Variants in PCNX4 observed in about 807,000 individuals in gnomAD.
PCNX4 encodes pecanex-like protein 4.
In PCNX4, 103 loss-of-function variants were observed where a neutral mutation model predicts 107.2. The ratio of observed to expected loss-of-function variants is 0.96; its 90% CI spans 0.82 to 1.13. PCNX4 has a LOEUF of 1.13. PCNX4 is among the 50% of genes most tolerant of loss of function. PCNX4 has a pLI of 0.00. For missense variants in PCNX4, 1,528 were observed against 1,379.4 expected (o/e 1.11, Z -1.71); for synonymous variants, 541 against 481.7 (o/e 1.12, Z -1.61).
chr14:60,133,408 T>C (rs1245690939), intron 10 of PCNX4, among the ~76,000 whole-genome samples: 1 of 152,138 alleles, frequency 6.6e-6, no homozygotes, highest in East Asian at 1.9e-4. Context: ...ATAGAAAGTA[T>C]GTTAGTGGTT....
chr14:60,106,381 GA>G (rs1895629624), intron 1 of PCNX4, among the ~76,000 whole-genome samples: 1 of 151,930 alleles, frequency 6.6e-6, no homozygotes, highest in East Asian at 1.9e-4. Flanking sequence ...ATTATTTAGG[GA>G]ATAATAATGG....
rs1183410900 is a variant in PCNX4, at chr14:60,107,779, T to C, written c.141T>C (p.Leu47=). 2 of 1,612,726 alleles carry C rather than the reference T, an allele frequency of 1.2e-6. No homozygotes were observed. Among genetic ancestry groups the C allele is most frequent in the Non-Finnish European group, 1.7e-6 (2 of 1,179,854 alleles). ...ACATATATGTTAATCAAATTATTCT[T>C]TTTCTAATGCCATGGGTTTGGGGTG... is the stretch of plus-strand genomic sequence containing the variant. The part of the protein sequence containing the change: ...PPYIYVNQII[L]FLMPWVWGGV... Residue 47 remains leucine, a synonymous_variant, in exon 2 of 11, where the codon CTT becomes CTC. Transcript: ENST00000406854.
At chr14:60,115,565 A>G (rs1165156657) in intron 4 of PCNX4, 104 bp downstream of exon 4, 4 of 1,414,294 alleles carry the variant, frequency 2.8e-6, no homozygotes, top group Admixed American at 2.3e-5. Context: ...ACCATATACA[A>G]GTGTTTGTTC....
chr14:60,115,872 A>G (rs1243849453), intron 5 of PCNX4, 53 bp downstream of exon 5: 2 of 1,588,368 alleles, frequency 1.3e-6, no homozygotes, highest in Non-Finnish European at 1.7e-6. Flanking sequence ...TTTTATTGTA[A>G]TTTTGTTTAA....
At chr14:60,100,672 T>G (rs951677484) in intron 1 of PCNX4, among the ~76,000 whole-genome samples, 1 of 152,232 alleles carries the variant, frequency 6.6e-6, no homozygotes, top group Admixed American at 6.5e-5. Context: ...TTGTTAAATC[T>G]TGCCCAAATT....
chr14:60,100,330 C>T (rs531842326), intron 1 of PCNX4, among the ~76,000 whole-genome samples: 1 of 152,258 alleles, frequency 6.6e-6, no homozygotes, highest in Non-Finnish European at 1.5e-5. Flanking sequence ...CGGAGTTTCA[C>T]TCTTGTCACC....
chr14:60,094,523 C>G (rs921012279), intron 1 of PCNX4, among the ~76,000 whole-genome samples: 1 of 152,068 alleles, frequency 6.6e-6, no homozygotes, highest in Non-Finnish European at 1.5e-5. Context: ...CTTATCATAC[C>G]CTGCTAAGCA....
chr14:60,133,082 A>G (rs1039018592), intron 10 of PCNX4, among the ~76,000 whole-genome samples: 16 of 152,208 alleles, frequency 1.1e-4, no homozygotes, highest in Admixed American at 6.5e-5. Flanking sequence ...TAGCAGTTCT[A>G]TCCCTAAGTA....
At chr14:60,126,461 T>C (rs1050882423) in intron 10 of PCNX4, among the ~76,000 whole-genome samples, 2 of 152,180 alleles carry the variant, frequency 1.3e-5, no homozygotes, top group African/African-American at 2.4e-5. Flanking sequence ...CCATTTAAAG[T>C]CTTAGAAAGT....
chr14:60,116,257 C>G (rs1895846979), intron 6 of PCNX4, among the ~76,000 whole-genome samples, 197 bp downstream of exon 6: 1 of 152,194 alleles, frequency 6.6e-6, no homozygotes, highest in African/African-American at 2.4e-5. Flanking sequence ...GTAGTCCCAG[C>G]AGCTACTAAT....
In PCNX4 at chr14:60,137,005, A is replaced by T. The variant is rs887559655; in HGVS notation, c.*2784A>T. The T allele has an allele frequency of 6.6e-6, 1 of 152,314 alleles. No individual in the cohort carries two copies. The highest frequency in any genetic ancestry group is 1.5e-5 in the Non-Finnish European group (1 of 68,040). The allele number at this position is 152,314 out of a possible 1,614,324, so 9.4% of individuals were successfully genotyped here. On this transcript the variant is annotated 3_prime_UTR_variant, in exon 11 of 11. Coordinates refer to ENST00000406854, the MANE Select transcript of PCNX4 (RefSeq NM_001330177.2). ...CGTTACTGAATTTTCCCTAAAACCT[A>T]CTTTTCTACTTCTAACTTTTAGTGG...
chr14:60,124,240 C>G lies in PCNX4; in HGVS notation c.2069C>G (p.Ser690Cys), dbSNP rs1453759139. 2 of 1,590,890 alleles carry G rather than the reference C, an allele frequency of 1.3e-6. No individual in the cohort carries two copies. The highest frequency in any genetic ancestry group is 2.3e-5 in the South Asian group (2 of 87,340). ...NIKGLELQET[S>C]CHTAEARRVD... ...TAGGGGTTAGAATTGCAGGAAACAT[C>G]CTGTCATACTGCAGAAGCTCGCAGA... is the stretch of plus-strand genomic sequence containing the variant. Residue 690 changes from serine (S) to cysteine (C), a missense_variant, in exon 9 of 11, where the codon TCC becomes TGC. By Grantham distance (112) the Ser-to-Cys change is moderately radical. Transcript: ENST00000406854.
intron 6 of PCNX4, 113 bp downstream of exon 6, chr14:60,116,173 C>T: frequency 2.0e-6 from 2 of 1,020,758 alleles, no homozygotes; most frequent in Non-Finnish European, 2.7e-6. Flanking sequence ...AATTTTAGAA[C>T]ATTTTCAACA....
chr14:60,101,083 T>C lies in PCNX4; in HGVS notation c.-53-6503T>C, dbSNP rs190025291. Among the ~76,000 whole-genome samples the C allele has an allele frequency of 3.3e-5, 5 of 152,366 alleles. No homozygotes were observed. In the East Asian group the frequency reaches 7.7e-4, roughly 23 times the overall value. ...CCTTTATCTTAACCTGAACATTTCTTTTCTGTTGATCCCAGGTCTTCAGAT... is the reference window on the plus strand; with the variant it reads ...CCTTTATCTTAACCTGAACATTTCTCTTCTGTTGATCCCAGGTCTTCAGAT... On this transcript the variant is annotated intron_variant, in intron 1 of 10. Coordinates refer to ENST00000406854, the MANE Select transcript of PCNX4 (RefSeq NM_001330177.2).
chr14:60,096,686 T>TATG (rs1758104669), intron 1 of PCNX4, among the ~76,000 whole-genome samples: 1 of 152,220 alleles, frequency 6.6e-6, no homozygotes, highest in South Asian at 2.1e-4. Flanking sequence ...TGTCTTGTAA[T>TATG]ATGATAGTGT....
chr14:60,108,794 G>A (rs219312), intron 2 of PCNX4: 35,858 of 80,864 alleles, frequency 0.44, 8,036 homozygotes, highest in Non-Finnish European at 0.59. Context: ...AAACCAACTT[G>A]TTACAGAAGA....
Position 60,096,236 on chromosome 14 carries a change from G to A in PCNX4, c.-54+3817G>A, listed in dbSNP as rs58840294. ...AACATTCCATTTTTATGATGGTGCA[G>A]GTCCTCCCTTGTGCTGCCGTGAGTC... is the stretch of plus-strand genomic sequence containing the variant. On this transcript the variant is annotated intron_variant, in intron 1 of 10. Coordinates refer to ENST00000406854, the MANE Select transcript of PCNX4 (RefSeq NM_001330177.2). 2.7e-3 allele frequency among the ~76,000 whole-genome samples: 418 copies of A among 152,316 alleles called. 3 individuals carry two copies. The highest frequency in any genetic ancestry group is 9.6e-3 in the African/African-American group (399 of 41,572).
intron 1 of PCNX4, among the ~76,000 whole-genome samples, chr14:60,099,699 A>G (rs1322810905): frequency 6.6e-6 from 1 of 152,184 alleles, no homozygotes; most frequent in Non-Finnish European, 1.5e-5. Flanking sequence ...CATTTGGCCT[A>G]TATTTAACAA....
In PCNX4 at chr14:60,145,290, T is replaced by C. The variant is rs1481044210; in HGVS notation, c.*11069T>C. ...GCTAAATTCTCTATAATGACTTTTC[T>C]GGATCAGCATATCATACCTACACTG... is the stretch of plus-strand genomic sequence containing the variant. On this transcript the variant is annotated 3_prime_UTR_variant, in exon 11 of 11. Coordinates refer to ENST00000406854, the MANE Select transcript of PCNX4 (RefSeq NM_001330177.2). This position sits in a 1 kb window ranked among gnomAD's most constrained non-coding sequence, Gnocchi z 4.0. 2 of 257,956 alleles carry C rather than the reference T, an allele frequency of 7.8e-6. No individual in the cohort carries two copies. The highest frequency in any genetic ancestry group is 4.5e-5 in the African/African-American group (2 of 44,680). The allele number at this position is 257,956 out of a possible 1,614,324, so 16.0% of individuals were successfully genotyped here.
Sources: allele counts gnomAD v4.1 joint callset (sites outside exome capture counted in the v4.1 genomes callset), GRCh38; gene constraint gnomAD v4.1.1; non-coding constraint Gnocchi (gnomAD v3.1); transcripts MANE v1.5; gene names NCBI Gene and HGNC (gene_info 2026-07-23, HGNC 2026-07-21).